The following SAP130 variants were observed in gnomAD, a reference collection of about 807,000 sequenced individuals.
SAP130 encodes histone deacetylase complex subunit SAP130.
In SAP130, 16 loss-of-function variants were observed where a neutral mutation model predicts 103.2. That is an observed-to-expected ratio of 0.16 (90% CI 0.10 to 0.24). The LOEUF (loss-of-function observed/expected upper bound fraction) is 0.24, where lower values mean the gene tolerates loss of function less well. Among genes scored for constraint, SAP130 ranks in the 10% least tolerant of loss-of-function variants. The pLI, the probability that SAP130 is intolerant of heterozygous loss-of-function variation, is 1.00. For synonymous variants in SAP130, 477 were observed against 497.0 expected (o/e 0.96, Z 0.53); for missense variants, 990 against 1,359.7 (o/e 0.73, Z 4.28).
chr2:128,019,940 C>T (rs1163372978), intron 2 of SAP130, among the ~76,000 whole-genome samples: 1 of 151,822 alleles, frequency 6.6e-6, no homozygotes, highest in Non-Finnish European at 1.5e-5. Flanking sequence ...AAAGGAAGAG[C>T]TTGTGAAAAT....
intron 15 of SAP130, among the ~76,000 whole-genome samples, chr2:127,966,114 G>A (rs986860521): frequency 6.6e-6 from 1 of 152,014 alleles, no homozygotes; most frequent in Non-Finnish European, 1.5e-5. Flanking sequence ...AGGCTGAGGC[G>A]GGCGGATCAC....
chr2:128,013,238 G>C, intron 5 of SAP130, 84 bp from the exon 6 acceptor site: 3 of 1,311,902 alleles, frequency 2.3e-6, no homozygotes, highest in Non-Finnish European at 2.0e-6. Context: ...AACTCAGATA[G>C]CATGTCAATA....
At chr2:127,969,727 G>A (rs189427922) in intron 15 of SAP130, among the ~76,000 whole-genome samples, 95 of 152,190 alleles carry the variant, frequency 6.2e-4, no homozygotes, top group Non-Finnish European at 1.2e-3. Context: ...GTTATTCCTC[G>A]GCGCCTTCCC....
chr2:127,945,365 G>A (rs1355210065), intron 19 of SAP130, 91 bp downstream of exon 19: 26 of 753,520 alleles, frequency 3.5e-5, no homozygotes, highest in Non-Finnish European at 5.4e-5. Context: ...GAATGCTTCA[G>A]AGTTACTTTT....
chr2:127,978,841 A>T (rs760103413), intron 14 of SAP130, among the ~76,000 whole-genome samples: 2 of 152,068 alleles, frequency 1.3e-5, no homozygotes, highest in African/African-American at 2.4e-5. Flanking sequence ...AGAAGAAATT[A>T]AAAAAAAGAA....
chr2:127,984,779 G>T lies in SAP130; in HGVS notation c.1958+2006C>A, dbSNP rs146900702. Among the ~76,000 whole-genome samples the T allele has an allele frequency of 2.6e-5, 4 of 152,260 alleles. No homozygotes were observed. In the East Asian group the frequency reaches 7.7e-4, roughly 29 times the overall value. On this transcript the variant is annotated intron_variant, in intron 14 of 20. Transcript: ENST00000643581. ...AATACTCATGACCTCTATAGTGCTGGGTGACCCTAGCGGACCATCTGCAGA... is the reference window on the plus strand; with the variant it reads ...AATACTCATGACCTCTATAGTGCTGTGTGACCCTAGCGGACCATCTGCAGA...
In SAP130 at chr2:127,941,235, T is replaced by C. The variant is rs1231881468; in HGVS notation, c.*771A>G. On this transcript the variant is annotated 3_prime_UTR_variant, in exon 21 of 21. Coordinates refer to ENST00000643581, the MANE Select transcript of SAP130 (RefSeq NM_001330301.2). Reference sequence around the variant, plus strand: ...AAACTGCGCAAGTACAAAAACCTCTTTGAGTCCTTTATTAACGTCTGGAGA... The same window carrying C: ...AAACTGCGCAAGTACAAAAACCTCTCTGAGTCCTTTATTAACGTCTGGAGA... 6.6e-6 allele frequency: 1 copy of C among 152,134 alleles called. No homozygotes were observed. Among genetic ancestry groups the C allele is most frequent in the Non-Finnish European group, 1.5e-5 (1 of 68,034 alleles). 9.4% of individuals were successfully genotyped at this position (152,134 alleles called of 1,614,324 possible).
chr2:127,943,578 T>A (rs1288153828), intron 19 of SAP130, among the ~76,000 whole-genome samples: 1 of 152,226 alleles, frequency 6.6e-6, no homozygotes, highest in Non-Finnish European at 1.5e-5. Flanking sequence ...CTGCAAGGAA[T>A]AGTGCGGGAA....
Position 127,954,992 on chromosome 2 carries a change from C to T in SAP130, c.2416G>A (p.Val806Ile). 1 of 1,602,772 alleles carries T rather than the reference C, an allele frequency of 6.2e-7. No homozygotes were observed. The highest frequency in any genetic ancestry group is 8.5e-7 in the Non-Finnish European group (1 of 1,172,774). The change falls in exon 16 of 21, where the codon GTT becomes ATT. Residue 806 changes from valine to isoleucine, a missense_variant. By Grantham distance (29) the Val-to-Ile change is conservative. Transcript: ENST00000643581. ...EVEPMDIMRPVSAVPPLATNT... is the reference protein window; with the variant it reads ...EVEPMDIMRPISAVPPLATNT... Reference sequence around the variant, plus strand: ...ATTCTATGGACGGACTTACCAGAAACTGGCCTCATGATATCCATTGGTTCT... The same window carrying T: ...ATTCTATGGACGGACTTACCAGAAATTGGCCTCATGATATCCATTGGTTCT...
intron 15 of SAP130, among the ~76,000 whole-genome samples, chr2:127,961,498 G>C (rs932753219): frequency 4.2e-5 from 6 of 143,548 alleles, no homozygotes; most frequent in Non-Finnish European, 4.5e-5. Context: ...AACTGTCATA[G>C]CATATACCTC....
chr2:127,981,317 CAAT>C (rs1681864852), intron 14 of SAP130, among the ~76,000 whole-genome samples: 29 of 143,448 alleles, frequency 2.0e-4, no homozygotes, highest in South Asian at 4.5e-4. Context: ...CCTGCACCCC[CAAT>C]TCAGCTCCCC....
Position 128,000,408 on chromosome 2 carries a change from T to C in SAP130, c.916A>G (p.Ile306Val). The change falls in exon 8 of 21, where the codon ATT becomes GTT. Residue 306 changes from isoleucine (I) to valine (V), a missense_variant. By Grantham distance (29) the Ile-to-Val change is conservative. Around this residue, in one of 6 missense-constraint regions of SAP130, gnomAD observed 336 missense variants for 520.1 expected, o/e 0.65. Transcript: ENST00000643581. ...IQHPPSAAIS[I>V]QRPAQSRDVT... ...TCTCGTGACTGGGCAGGACGCTGAATACTGATTGCTGCAGATGGAGGATGC... is the reference window on the plus strand; with the variant it reads ...TCTCGTGACTGGGCAGGACGCTGAACACTGATTGCTGCAGATGGAGGATGC... 2 of 1,614,204 alleles carry C rather than the reference T, an allele frequency of 1.2e-6. No homozygotes were observed. Among genetic ancestry groups the C allele is most frequent in the Non-Finnish European group, 1.7e-6 (2 of 1,180,036 alleles).
chr2:127,951,491 G>A (rs917819409), intron 16 of SAP130, among the ~76,000 whole-genome samples: 2 of 151,892 alleles, frequency 1.3e-5, no homozygotes, highest in Non-Finnish European at 2.9e-5. Flanking sequence ...CCTCCCCTCG[G>A]TACTCAGCCT....
intron 14 of SAP130, among the ~76,000 whole-genome samples, chr2:127,981,296 G>C (rs1681856553): frequency 6.7e-6 from 1 of 148,728 alleles, no homozygotes; most frequent in Non-Finnish European, 1.5e-5. Context: ...CTCCCACCCT[G>C]ACCCAGTCCT....
Position 127,955,160 on chromosome 2 carries a change from GGGCAAC to G in SAP130, c.2242_2247del (p.Val748_Ala749del), listed in dbSNP as rs1679747804. 1.9e-6 allele frequency: 3 copies of G among 1,614,182 alleles called. No individual in the cohort carries two copies. ...GGGACCGCTCCAGGAATGGTTGAAA[GGGCAAC>G]GGCTGGTTGTGACGGGGGACTGGCT... On this transcript the variant is annotated inframe_deletion, in exon 16 of 21. Coordinates refer to ENST00000643581, the MANE Select transcript of SAP130 (RefSeq NM_001330301.2). This position sits in a 1 kb window ranked among gnomAD's most constrained non-coding sequence, Gnocchi z 4.9.
intron 10 of SAP130, among the ~76,000 whole-genome samples, chr2:127,997,542 T>G (rs1234873654): frequency 1.3e-5 from 2 of 152,128 alleles, no homozygotes; most frequent in African/African-American, 4.8e-5. Context: ...CGCAGGGTGA[T>G]AACAGGAATG....
At chr2:127,958,941 CA>C (rs1454967180) in intron 15 of SAP130, among the ~76,000 whole-genome samples, 9 of 152,152 alleles carry the variant, frequency 5.9e-5, no homozygotes, top group Non-Finnish European at 1.2e-4. Flanking sequence ...TGAGCCGCCA[CA>C]CCCGGCTAAT....
At chr2:128,006,771 C>T (rs943860333) in intron 7 of SAP130, among the ~76,000 whole-genome samples, 1 of 152,142 alleles carries the variant, frequency 6.6e-6, no homozygotes, top group Non-Finnish European at 1.5e-5. Flanking sequence ...CGGAGCAAGA[C>T]GTTGTCTCAA....
chr2:127,987,643 G>T (rs530340333), intron 13 of SAP130, among the ~76,000 whole-genome samples: 1 of 152,012 alleles, frequency 6.6e-6, no homozygotes, highest in East Asian at 1.9e-4. Context: ...CCATTTTAGA[G>T]ATAAGAAAAC....
Sources: gnomAD v4.1 joint callset for allele counts (sites outside exome capture counted in the v4.1 genomes callset) on GRCh38, gnomAD v4.1.1 for gene constraint, gnomAD v4.1.1 regional missense constraint, Gnocchi (gnomAD v3.1) non-coding constraint, MANE v1.5 for transcripts, NCBI Gene and HGNC (gene_info 2026-07-23, HGNC 2026-07-21) for gene names.